The following CEP85L variants were observed in gnomAD, a reference collection of about 807,000 sequenced individuals.
CEP85L encodes the protein centrosomal protein of 85 kDa-like.
In CEP85L, 60 loss-of-function variants were observed where a neutral mutation model predicts 100.3. The observed-to-expected ratio is 0.60, with a 90% CI of 0.49 to 0.74. The LOEUF (loss-of-function observed/expected upper bound fraction) is 0.74, where lower values mean the gene tolerates loss of function less well. CEP85L is among the 30% of genes least tolerant of loss of function. The probability of loss-of-function intolerance (pLI) is 0.00; values close to 1 mark genes in which losing one functional copy is unlikely to be tolerated. For missense variants in CEP85L, 973 were observed against 936.2 expected (o/e 1.04, Z -0.51); for synonymous variants, 319 against 322.7 (o/e 0.99, Z 0.12).
At chr6:118,613,772 A>AAAAAAAC (rs1772823126) in intron 2 of CEP85L, among the ~76,000 whole-genome samples, 1 of 151,346 alleles carries the variant, frequency 6.6e-6, no homozygotes, top group South Asian at 2.1e-4. Flanking sequence ...AAAAAAAAAA[A>AAAAAAAC]ATTCTGGGCC....
intron 6 of CEP85L, among the ~76,000 whole-genome samples, chr6:118,484,409 G>C (rs968895529): frequency 3.9e-5 from 6 of 152,108 alleles, no homozygotes; most frequent in Admixed American, 1.3e-4. Flanking sequence ...TACCATGGAC[G>C]GCATCCTATA....
chr6:118,643,398 T>G (rs988048058), intron 1 of CEP85L, among the ~76,000 whole-genome samples: 2 of 152,200 alleles, frequency 1.3e-5, no homozygotes, highest in Non-Finnish European at 2.9e-5. Context: ...AATGCTAAAC[T>G]ACATGAAACA....
chr6:118,652,333 C>T, upstream of CEP85L: 2 of 935,394 alleles, frequency 2.1e-6, no homozygotes, highest in Non-Finnish European at 2.6e-6. Context: ...TTCACCTGAA[C>T]CCTTAGTGCA....
At chr6:118,612,698 T>C (rs1294577542) in intron 2 of CEP85L, among the ~76,000 whole-genome samples, 5 of 111,560 alleles carry the variant, frequency 4.5e-5, no homozygotes, top group Admixed American at 1.1e-4. Context: ...GGGGGGACTC[T>C]CAAATCAGTA....
intron 1 of CEP85L, among the ~76,000 whole-genome samples, chr6:118,658,290 A>T (rs1775864875): frequency 1.3e-5 from 2 of 152,244 alleles, no homozygotes; most frequent in Non-Finnish European, 2.9e-5. Context: ...ATTATTATTC[A>T]TCTGGCAATT....
intron 1 of CEP85L, among the ~76,000 whole-genome samples, chr6:118,689,916 CTTTTT>C (rs34964907): frequency 7.3e-6 from 1 of 136,206 alleles, no homozygotes; most frequent in Admixed American, 7.5e-5. Context: ...TCCCTGCCTG[CTTTTT>C]TTTTTTTTTT....
chr6:118,506,903 C>T (rs1428664475), intron 5 of CEP85L, among the ~76,000 whole-genome samples: 1 of 152,140 alleles, frequency 6.6e-6, no homozygotes, highest in African/African-American at 2.4e-5. Flanking sequence ...GAACAACTCC[C>T]TCAGGCTCCT....
intron 4 of CEP85L, among the ~76,000 whole-genome samples, chr6:118,519,693 C>T (rs948763606): frequency 6.0e-5 from 9 of 151,198 alleles, no homozygotes; most frequent in Middle Eastern, 6.9e-3. Context: ...TTGGGTTTTT[C>T]GTTGACCTTT....
At chr6:118,683,856 G>T (rs1293082623) in intron 1 of CEP85L, among the ~76,000 whole-genome samples, 1 of 152,194 alleles carries the variant, frequency 6.6e-6, no homozygotes, top group Non-Finnish European at 1.5e-5. Flanking sequence ...CTCTGAAGAA[G>T]ATCATTTCAA....
intron 1 of CEP85L, among the ~76,000 whole-genome samples, chr6:118,699,454 CAAA>C (rs34344065): frequency 3.6e-5 from 5 of 138,638 alleles, no homozygotes; most frequent in African/African-American, 5.3e-5. Flanking sequence ...GACCTTGTCT[CAAA>C]AAAAAAAAAA....
chr6:118,641,585 T>C (rs762537171), intron 1 of CEP85L, among the ~76,000 whole-genome samples: 1 of 152,188 alleles, frequency 6.6e-6, no homozygotes, highest in Non-Finnish European at 1.5e-5. Flanking sequence ...CTTTGTTCAT[T>C]TGATTTTTTC....
At chr6:118,691,165 G>C (rs187036023) in intron 1 of CEP85L, among the ~76,000 whole-genome samples, 1 of 62,192 alleles carries the variant, frequency 1.6e-5, no homozygotes, top group Non-Finnish European at 4.0e-5. Context: ...CTGTAATCCC[G>C]ACACTTTGAG....
At chr6:118,702,486 TG>T (rs1226198791) in intron 1 of CEP85L, among the ~76,000 whole-genome samples, 1 of 152,190 alleles carries the variant, frequency 6.6e-6, no homozygotes, top group African/African-American at 2.4e-5. Flanking sequence ...CACTCCAGCT[TG>T]GGTAACAGAG....
In CEP85L at chr6:118,566,270, T is replaced by C; in HGVS notation, c.279A>G (p.Ser93=). 1.2e-6 allele frequency: 2 copies of C among 1,614,092 alleles called. No homozygotes were observed. The highest frequency in any genetic ancestry group is 1.7e-6 in the Non-Finnish European group (2 of 1,180,010). ...CATGGGCAGTAGGAAGAGTAATCAA[T>C]GATTGACTAGGCTTAAAAGATAATG... ...SGTLSFKPSQ[S]LITLPTAHVM... The change falls in exon 3 of 13, where the codon TCA becomes TCG. Residue 93 remains serine (S), a synonymous_variant. Coordinates refer to ENST00000368491, the MANE Select transcript of CEP85L (RefSeq NM_001042475.3).
intron 4 of CEP85L, among the ~76,000 whole-genome samples, chr6:118,515,315 T>C (rs1002934417): frequency 6.6e-6 from 1 of 152,134 alleles, no homozygotes; most frequent in African/African-American, 2.4e-5. Context: ...ATCTCAATAA[T>C]TGACATTAAT....
intron 3 of CEP85L, among the ~76,000 whole-genome samples, chr6:118,536,725 T>C (rs1349829836): frequency 6.6e-6 from 1 of 152,030 alleles, no homozygotes; most frequent in African/African-American, 2.4e-5. Flanking sequence ...CAAGAATGCA[T>C]GGATGAAGAA....
intron 1 of CEP85L, among the ~76,000 whole-genome samples, chr6:118,694,963 A>T (rs1777158813): frequency 6.6e-6 from 1 of 152,170 alleles, no homozygotes; most frequent in Admixed American, 6.5e-5. Flanking sequence ...GGTCTTGTTT[A>T]TGTAAGGTTG....
chr6:118,491,873 G>GAAAAAAAA lies in CEP85L; in HGVS notation c.1258-9_1258-8insTTTTTTTT. The GAAAAAAAA allele has an allele frequency of 1.3e-6, 2 of 1,568,190 alleles. No homozygotes were observed. The highest frequency in any genetic ancestry group is 4.1e-5 in the Admixed American group (2 of 48,476). On this transcript the variant is annotated splice_polypyrimidine_tract_variant and intron_variant, in intron 5 of 12. Transcript: ENST00000368491. The stretch of plus-strand genomic sequence containing the variant: ...AGTGTTCTCATATTGTGGCTGTTAG[G>GAAAAAAAA]AAAGAAAAAAAGGAGGTAAGACTTT...
At chr6:118,699,454 CA>C (rs34344065) in intron 1 of CEP85L, among the ~76,000 whole-genome samples, 4,655 of 138,538 alleles carry the variant, frequency 0.034, 108 homozygotes, top group African/African-American at 0.061. Context: ...GACCTTGTCT[CA>C]AAAAAAAAAA....
Sources: gnomAD v4.1 joint callset for allele counts (sites outside exome capture counted in the v4.1 genomes callset) on GRCh38, gnomAD v4.1.1 for gene constraint, MANE v1.5 for transcripts, NCBI Gene and HGNC (gene_info 2026-07-23, HGNC 2026-07-21) for gene names.